KALRN: variants seen among roughly 807,000 people sequenced by gnomAD.
KALRN encodes the protein kalirin RhoGEF kinase.
A neutral mutation model predicts 353.7 loss-of-function variants in KALRN; 70 were observed. The observed-to-expected ratio is 0.20, with a 90% CI of 0.16 to 0.24. The LOEUF (loss-of-function observed/expected upper bound fraction) is 0.24. KALRN is among the 10% of genes least tolerant of loss of function. The probability of loss-of-function intolerance (pLI) is 1.00; values close to 1 mark genes in which losing one functional copy is unlikely to be tolerated. For missense variants in KALRN, 2,791 were observed against 3,756.7 expected, an observed-to-expected ratio of 0.74 and a Z score of 6.72; for synonymous variants, 1,391 against 1,434.8, an observed-to-expected ratio of 0.97 and a Z score of 0.69.
chr3:124,470,754 A>G (rs1344420026), intron 25 of KALRN, among the ~76,000 whole-genome samples: 1 of 148,758 alleles, frequency 6.7e-6, no homozygotes, highest in Non-Finnish European at 1.5e-5. Flanking sequence ...GGGACCGCTA[A>G]CTAGAGTTTT....
chr3:124,115,670 C>T (rs1401907336), intron 1 of KALRN, among the ~76,000 whole-genome samples: 1 of 152,116 alleles, frequency 6.6e-6, no homozygotes, highest in Non-Finnish European at 1.5e-5. Flanking sequence ...TCAGCTTCAC[C>T]CTGGTACTTC....
At chr3:124,413,748 C>A (rs572968064) in intron 14 of KALRN, 83 bp downstream of exon 14, 67 of 1,048,244 alleles carry the variant, frequency 6.4e-5, no homozygotes, top group Non-Finnish European at 9.1e-5. Context: ...AGTGCCACAT[C>A]GTTTATTCAT....
At chr3:124,597,179 C>G (rs1264726589) in intron 34 of KALRN, among the ~76,000 whole-genome samples, 1 of 152,168 alleles carries the variant, frequency 6.6e-6, no homozygotes, top group Non-Finnish European at 1.5e-5. Context: ...GGAAATTAGG[C>G]TGAGCACTTT....
At chr3:124,358,925 G>A (rs1348160866) in intron 10 of KALRN, among the ~76,000 whole-genome samples, 2 of 152,146 alleles carry the variant, frequency 1.3e-5, no homozygotes, top group African/African-American at 4.8e-5. Context: ...AACCTCGGAT[G>A]TCTCTGGGAT....
chr3:124,597,080 CAA>C (rs2076343249), intron 34 of KALRN, among the ~76,000 whole-genome samples: 2 of 151,342 alleles, frequency 1.3e-5, no homozygotes. Context: ...ACAAACAAAA[CAA>C]AACAACAAAA....
At chr3:124,227,663 GTTTTTTTTT>G (rs747087120) in intron 1 of KALRN, among the ~76,000 whole-genome samples, 14 of 69,252 alleles carry the variant, frequency 2.0e-4, no homozygotes, top group African/African-American at 6.2e-4. Context: ...CAACAGGGCT[GTTTTTTTTT>G]TTTTTTTTTT....
chr3:124,318,975 A>G (rs2079066088), intron 6 of KALRN, among the ~76,000 whole-genome samples: 1 of 152,092 alleles, frequency 6.6e-6, no homozygotes, highest in Admixed American at 6.6e-5. Context: ...TAAAAACTTT[A>G]AATAAAGTGG....
chr3:124,091,825 A>G (rs1359282905), intron 1 of KALRN, among the ~76,000 whole-genome samples: 1 of 152,228 alleles, frequency 6.6e-6, no homozygotes, highest in Non-Finnish European at 1.5e-5. Context: ...AAAAACAACA[A>G]CAAAAACCTA....
At chr3:124,426,079 C>T (rs1028414590) in intron 15 of KALRN, among the ~76,000 whole-genome samples, 1 of 152,150 alleles carries the variant, frequency 6.6e-6, no homozygotes, top group Admixed American at 6.5e-5. Context: ...CAGTGGCCCT[C>T]GAGGTGCCAA....
intron 57 of KALRN, 24 bp downstream of exon 57, chr3:124,702,140 T>A: frequency 6.7e-7 from 1 of 1,482,394 alleles, no homozygotes; most frequent in Non-Finnish European, 9.4e-7. Context: ...TTTATATTCC[T>A]TCATTCATGA....
chr3:124,474,344 A>G (rs1422107893), intron 25 of KALRN, among the ~76,000 whole-genome samples: 6 of 152,204 alleles, frequency 3.9e-5, no homozygotes, highest in Non-Finnish European at 8.8e-5. Context: ...TGCTTAGATT[A>G]CTTGTGTAAA....
At chr3:124,164,877 C>G (rs1277875128) in intron 1 of KALRN, among the ~76,000 whole-genome samples, 1 of 152,200 alleles carries the variant, frequency 6.6e-6, no homozygotes. Flanking sequence ...GAGAGCTCTA[C>G]CTTTGGAGTC....
intron 14 of KALRN, among the ~76,000 whole-genome samples, chr3:124,416,649 G>A (rs2092515098): frequency 6.6e-6 from 1 of 152,260 alleles, no homozygotes; most frequent in African/African-American, 2.4e-5. Flanking sequence ...TGGGCTTAGG[G>A]AAATGGAGGG....
intron 5 of KALRN, among the ~76,000 whole-genome samples, chr3:124,278,027 T>TGTGTGTGTGTGTGG (rs1488944958): frequency 2.7e-5 from 4 of 150,902 alleles, no homozygotes; most frequent in Non-Finnish European, 5.9e-5. Context: ...TGTGTGTGTG[T>TGTGTGTGTGTGTGG]GGTGCAGGGC....
At chr3:124,646,646 C>G (rs1386130212) in intron 37 of KALRN, among the ~76,000 whole-genome samples, 1 of 151,438 alleles carries the variant, frequency 6.6e-6, no homozygotes, top group East Asian at 1.9e-4. Context: ...CCCCCTCGGC[C>G]TCCCAAAGTG....
In KALRN at chr3:124,671,769, T is replaced by C; in HGVS notation, c.6813T>C (p.Pro2271=). Residue 2271 remains proline, a synonymous_variant, in exon 48 of 60, where the codon CCT becomes CCC. Coordinates refer to ENST00000682506, the MANE Select transcript of KALRN (RefSeq NM_001388419.1). ...GCCCCAGGCCCTACTCCTCTGTTCC[T>C]GCGGGCTCAGAGAAGCCCCCAAAGG... The part of the protein sequence containing the change: ...QASPRPYSSV[P]AGSEKPPKGS... The C allele has an allele frequency of 2.5e-6, 4 of 1,613,932 alleles. No individual in the cohort carries two copies. The highest frequency in any genetic ancestry group is 3.4e-6 in the Non-Finnish European group (4 of 1,179,788).
chr3:124,431,881 T>C (rs182358454), intron 16 of KALRN, among the ~76,000 whole-genome samples: 46 of 152,372 alleles, frequency 3.0e-4, no homozygotes, highest in African/African-American at 1.0e-3. Context: ...TTAAGATGCA[T>C]GATATTTTCT....
At chr3:124,243,110 CCTGT>C (rs2080702774) in intron 3 of KALRN, among the ~76,000 whole-genome samples, 1 of 152,152 alleles carries the variant, frequency 6.6e-6, no homozygotes, top group African/African-American at 2.4e-5. Flanking sequence ...CACCCACCTG[CCTGT>C]CTGTTTCTAT....
At chr3:124,161,077 T>G (rs2069859622) in intron 1 of KALRN, among the ~76,000 whole-genome samples, 1 of 152,166 alleles carries the variant, frequency 6.6e-6, no homozygotes, top group African/African-American at 2.4e-5. Flanking sequence ...AAAATGTGAA[T>G]GGACTGAATG....
Sources: gnomAD v4.1 joint callset for allele counts (sites outside exome capture counted in the v4.1 genomes callset) on GRCh38, gnomAD v4.1.1 for gene constraint, MANE v1.5 for transcripts, NCBI Gene and HGNC (gene_info 2026-07-23, HGNC 2026-07-21) for gene names.